The following PCNX1 variants were observed in gnomAD, a reference collection of about 807,000 sequenced individuals.
The protein encoded by PCNX1 is pecanex 1, also known as pecanex-like protein 1.
A neutral mutation model predicts 242.2 loss-of-function variants in PCNX1; 78 were observed. The observed-to-expected ratio is 0.32, with a 90% CI of 0.27 to 0.39. The LOEUF (loss-of-function observed/expected upper bound fraction) is 0.39, where lower values mean the gene tolerates loss of function less well. PCNX1 is among the 10% of genes least tolerant of loss of function. PCNX1 has a pLI of 1.00. For synonymous variants in PCNX1, 1,024 were observed against 1,032.9 expected, an observed-to-expected ratio of 0.99 and a Z score of 0.17; for missense variants, 2,581 against 2,856.5, an observed-to-expected ratio of 0.90 and a Z score of 2.20.
intron 3 of PCNX1, among the ~76,000 whole-genome samples, chr14:70,966,199 T>A (rs1263026765): frequency 6.6e-6 from 1 of 152,150 alleles, no homozygotes; most frequent in Non-Finnish European, 1.5e-5. Flanking sequence ...TGCAGAAAAG[T>A]ATGAAGAATA....
In PCNX1 at chr14:70,979,963, CT is replaced by C. The variant is rs372868612; in HGVS notation, c.2311+1330del. ...GTCTTTGACCTGGATATAGTTCTCT[CT>C]TTTTTTTTTTTTTTGTAAACAACCT... is the stretch of plus-strand genomic sequence containing the variant. On this transcript the variant is annotated intron_variant, in intron 6 of 35. Transcript: ENST00000304743. Among the ~76,000 whole-genome samples, 242 of 136,512 alleles carry C rather than the reference CT, an allele frequency of 1.8e-3. 1 individual carries two copies. The highest frequency in any genetic ancestry group is 3.5e-3 in the South Asian group (15 of 4,248). The allele number at this position is 136,512 out of a possible 152,430, so 89.6% of individuals were successfully genotyped here. A position where few individuals can be genotyped will look rare whatever the true frequency, so the allele number is the denominator to read the frequency against.
intron 1 of PCNX1, among the ~76,000 whole-genome samples, chr14:70,935,014 A>C (rs558527532): frequency 8.6e-4 from 130 of 152,018 alleles, no homozygotes; most frequent in African/African-American, 2.5e-3. Flanking sequence ...ATGCACTTTT[A>C]CCCCCTTTGG....
In PCNX1 at chr14:71,110,729, A is replaced by G. The variant is rs543994918; in HGVS notation, c.*794A>G. The G allele has an allele frequency of 2.6e-5, 4 of 152,670 alleles. No individual in the cohort carries two copies. The East Asian group carries it at 7.7e-4, about 29-fold the overall frequency. 9.5% of individuals were successfully genotyped at this position (152,670 alleles called of 1,614,324 possible). ...ATCTCAAGATATACGTAGCTTCATC[A>G]TTGACATTTCCCAGAGCCAATAGTC... On this transcript the variant is annotated 3_prime_UTR_variant, in exon 36 of 36. Transcript: ENST00000304743.
intron 8 of PCNX1, 73 bp from the exon 9 acceptor site, chr14:71,009,561 G>T: frequency 3.5e-6 from 3 of 846,850 alleles, no homozygotes; most frequent in South Asian, 2.5e-5. Flanking sequence ...AGAAACTTAC[G>T]AAATTTAGTA....
chr14:71,022,894 A>G (rs1025954675), intron 12 of PCNX1, among the ~76,000 whole-genome samples: 38 of 152,122 alleles, frequency 2.5e-4, no homozygotes, highest in African/African-American at 9.2e-4. Flanking sequence ...GTATATAGCA[A>G]TAAGCCAAAC....
At chr14:70,983,319 T>C (rs531657184) in intron 6 of PCNX1, among the ~76,000 whole-genome samples, 6 of 152,254 alleles carry the variant, frequency 3.9e-5, no homozygotes, top group South Asian at 2.1e-4. Flanking sequence ...TTTTTTTTTT[T>C]CTTGGGACGG....
intron 1 of PCNX1, among the ~76,000 whole-genome samples, chr14:70,923,913 G>GATT (rs1175611468): frequency 1.3e-5 from 2 of 152,128 alleles, no homozygotes; most frequent in Middle Eastern, 3.4e-3. Flanking sequence ...TTTGTCAAAG[G>GATT]GCTAATACTT....
intron 12 of PCNX1, among the ~76,000 whole-genome samples, chr14:71,022,282 T>A (rs533147390): frequency 1.3e-5 from 2 of 152,180 alleles, no homozygotes; most frequent in Non-Finnish European, 2.9e-5. Flanking sequence ...AGTGTCTCCA[T>A]GGTCCAATTA....
At chr14:71,003,108 A>C (rs1483674827) in intron 8 of PCNX1, among the ~76,000 whole-genome samples, 1 of 88,804 alleles carries the variant, frequency 1.1e-5, no homozygotes, top group Non-Finnish European at 2.0e-5. Context: ...TTTGAGACAG[A>C]GTCTCACTCT....
chr14:71,109,996 A>G lies in PCNX1; in HGVS notation c.*61A>G. Reference sequence around the variant, plus strand: ...CTCAATTCCAAGGCATTGGAAAAAGAGAGGAACAAGCAGAAGATGCCTGCA... The same window carrying G: ...CTCAATTCCAAGGCATTGGAAAAAGGGAGGAACAAGCAGAAGATGCCTGCA... On this transcript the variant is annotated 3_prime_UTR_variant, in exon 36 of 36. Coordinates refer to ENST00000304743, the MANE Select transcript of PCNX1 (RefSeq NM_014982.3). 2 of 1,460,484 alleles carry G rather than the reference A, an allele frequency of 1.4e-6. No individual in the cohort carries two copies. The highest frequency in any genetic ancestry group is 1.9e-6 in the Non-Finnish European group (2 of 1,041,652). 90.5% of individuals were successfully genotyped at this position (1,460,484 alleles called of 1,614,324 possible).
intron 12 of PCNX1, among the ~76,000 whole-genome samples, chr14:71,021,502 C>G (rs1233156765): frequency 2.0e-5 from 3 of 152,130 alleles, no homozygotes; most frequent in Non-Finnish European, 4.4e-5. Flanking sequence ...TGACATAGTT[C>G]TGTTTTTACT....
At chr14:70,947,254 T>TA (rs1235012909) in intron 2 of PCNX1, 131 bp downstream of exon 2, 6 of 666,562 alleles carry the variant, frequency 9.0e-6, no homozygotes, top group South Asian at 1.9e-5. Context: ...CCACTGTAGA[T>TA]ACAATGATGG....
At chr14:71,008,648 T>A (rs1451039859) in intron 8 of PCNX1, among the ~76,000 whole-genome samples, 9 of 100,882 alleles carry the variant, frequency 8.9e-5, no homozygotes, top group African/African-American at 3.9e-4. Flanking sequence ...AGAGCGAGAC[T>A]CTGTCTCAAA....
At chr14:70,934,517 A>G (rs1566584972) in intron 1 of PCNX1, among the ~76,000 whole-genome samples, 1 of 152,214 alleles carries the variant, frequency 6.6e-6, no homozygotes, top group South Asian at 2.1e-4. Context: ...CCTGGGCTCA[A>G]TTGATCCTCC....
chr14:70,978,554 G>C lies in PCNX1; in HGVS notation c.2217G>C (p.Arg739=). 6.2e-7 allele frequency: 1 copy of C among 1,614,066 alleles called. No homozygotes were observed. Among genetic ancestry groups the C allele is most frequent in the Non-Finnish European group, 8.5e-7 (1 of 1,179,984 alleles). The change falls in exon 6 of 36, where the codon CGG becomes CGC. Residue 739 remains arginine, a synonymous_variant. Coordinates refer to ENST00000304743, the MANE Select transcript of PCNX1 (RefSeq NM_014982.3). ...EVLDELSLLG[R]ASQLETVTRS... ...TAGATGAGCTATCTTTATTAGGACG[G>C]GCTTCCCAGTTAGAGACAGTCACTC...
At position 71,073,737 on chromosome 14, in the gene PCNX1, G is replaced by A. The variant is rs2061643964; in HGVS notation, c.5045G>A (p.Ser1682Asn). The A allele has an allele frequency of 1.2e-6, 2 of 1,613,516 alleles. No homozygotes were observed. The highest frequency in any genetic ancestry group is 1.3e-5 in the African/African-American group (1 of 74,916). The change falls in exon 27 of 36, where the codon AGT (serine) becomes AAT (asparagine). Residue 1682 changes from serine (S) to asparagine (N), a missense_variant. Around this residue, in one of 9 missense-constraint regions of PCNX1, gnomAD observed 298 missense variants for 480.1 expected, o/e 0.62. Coordinates refer to ENST00000304743, the MANE Select transcript of PCNX1 (RefSeq NM_014982.3). ...GAGGGTTATAGCATCACTGATAACA[G>A]TGCTGCTTCTATGCTTCAAGTCTTT... is the stretch of plus-strand genomic sequence containing the variant. ...ILEGYSITDNSAASMLQVFDL... is the reference protein window; with the variant it reads ...ILEGYSITDNNAASMLQVFDL...
intron 1 of PCNX1, among the ~76,000 whole-genome samples, chr14:70,918,884 GT>G (rs33959914): frequency 0.66 from 93,192 of 140,448 alleles, 30,341 homozygotes; most frequent in South Asian, 0.73. Context: ...TGGTTTTTTG[GT>G]TTTTTTTTTT....
intron 1 of PCNX1, among the ~76,000 whole-genome samples, chr14:70,914,855 A>G (rs1041844754): frequency 6.6e-6 from 1 of 152,182 alleles, no homozygotes; most frequent in African/African-American, 2.4e-5. Context: ...ATGAGTTTTG[A>G]TAAATGCACA....
chr14:71,073,419 C>G, intron 26 of PCNX1, 126 bp from the exon 27 acceptor site: 1 of 902,894 alleles, frequency 1.1e-6, no homozygotes, highest in Admixed American at 2.4e-5. Context: ...TATTCTAAGG[C>G]AAATCCATCA....
Sources: allele counts gnomAD v4.1 joint callset (sites outside exome capture counted in the v4.1 genomes callset), GRCh38; gene constraint gnomAD v4.1.1; regional missense constraint gnomAD v4.1.1; transcripts MANE v1.5; gene names NCBI Gene and HGNC (gene_info 2026-07-23, HGNC 2026-07-21).